CCDC183: variants seen among roughly 807,000 people sequenced by gnomAD.
CCDC183 encodes the protein coiled-coil domain-containing protein 183.
In CCDC183, 63 loss-of-function variants were observed where a neutral mutation model predicts 65.2. The ratio of observed to expected loss-of-function variants is 0.97; its 90% CI spans 0.79 to 1.19. The LOEUF (loss-of-function observed/expected upper bound fraction) is 1.19, where lower values mean the gene tolerates loss of function less well. Among genes scored for constraint, CCDC183 ranks in the 50% most tolerant of loss-of-function variants. The pLI, the probability that CCDC183 is intolerant of heterozygous loss-of-function variation, is 0.00. For missense variants in CCDC183, 769 were observed against 689.3 expected (o/e 1.12, Z -1.30); for synonymous variants, 323 against 276.5 (o/e 1.17, Z -1.67).
chr9:136,806,981 G>C lies in CCDC183; in HGVS notation c.1401G>C (p.Lys467Asn). 2 of 1,613,712 alleles carry C rather than the reference G, an allele frequency of 1.2e-6. No individual in the cohort carries two copies. The highest frequency in any genetic ancestry group is 1.7e-6 in the Non-Finnish European group (2 of 1,180,028). ...GCTTTGCCCTGCAGGGCGACACAAA[G>C]GTGAGGGACACCCTGGAGTCCTCGA... ...MVSRTEEGDTKVRDTLESSTL... is the reference protein window; with the variant it reads ...MVSRTEEGDTNVRDTLESSTL... Residue 467 changes from lysine (K) to asparagine (N), a missense_variant, in exon 13 of 14, where the codon AAG (lysine) becomes AAC (asparagine). Lys to Asn is a moderately conservative substitution (Grantham distance 94). Transcript: ENST00000338005.
Position 136,803,182 on chromosome 9 carries a change from GATGGGGTCAAGGT to G in CCDC183, c.666+397_666+409del. ...CAGGGCCAGCCCTCTTGGATCTTCG[GATGGGGTCAAGGT>G]GAGCTCAGGGCCCAGGGCTGGGGGC... On this transcript the variant is annotated intron_variant, in intron 6 of 13. Transcript: ENST00000338005. Among the ~76,000 whole-genome samples, 9 of 43,022 alleles carry G rather than the reference GATGGGGTCAAGGT, an allele frequency of 2.1e-4. 1 individual carries two copies. Among genetic ancestry groups the G allele is most frequent in the African/African-American group, 3.8e-4 (3 of 7,876 alleles). The allele number at this position is 43,022 out of a possible 152,430, so 28.2% of individuals were successfully genotyped here.
intron 2 of CCDC183, 26 bp from the exon 3 acceptor site, chr9:136,799,687 C>G (rs756973802): frequency 1.2e-6 from 2 of 1,607,926 alleles, no homozygotes; most frequent in African/African-American, 1.3e-5. Flanking sequence ...AGGGCCCGCT[C>G]TAGCTCAGCC....
Position 136,799,165 on chromosome 9 carries a change from T to C in CCDC183, c.134T>C (p.Leu45Pro). Residue 45 changes from leucine (L) to proline (P), a missense_variant, in exon 2 of 14, where the codon CTG becomes CCG. Transcript: ENST00000338005. ...AATATGGACCAGAACAAGGCCACGC[T>C]GGCCCTCCTGCGCAGCAACATCCGC... Reference protein sequence around the residue: ...KENMDQNKATLALLRSNIRRG... With the variant: ...KENMDQNKATPALLRSNIRRG... 6.2e-7 allele frequency: 1 copy of C among 1,613,014 alleles called. No individual in the cohort carries two copies. Among genetic ancestry groups the C allele is most frequent in the Non-Finnish European group, 8.5e-7 (1 of 1,179,786 alleles).
chr9:136,807,101 C>A (rs1427069630), intron 13 of CCDC183, 35 bp downstream of exon 13: 1 of 1,602,662 alleles, frequency 6.2e-7, no homozygotes, highest in Admixed American at 1.7e-5. Flanking sequence ...GGGCTGCAGG[C>A]GGGTGGCTGG....
chr9:136,802,470 T>C (rs527939119), intron 5 of CCDC183, among the ~76,000 whole-genome samples, 194 bp from the exon 6 acceptor site: 1 of 152,164 alleles, frequency 6.6e-6, no homozygotes, highest in East Asian at 1.9e-4. Context: ...GGTGAAAGAG[T>C]CCACCAGGCC....
At chr9:136,802,384 G>A (rs1035189310) in intron 5 of CCDC183, among the ~76,000 whole-genome samples, 8 of 152,242 alleles carry the variant, frequency 5.3e-5, no homozygotes, top group South Asian at 4.2e-4. Context: ...AAACCTCCCC[G>A]GGTTTCAGTC....
intron 4 of CCDC183, 67 bp downstream of exon 4, chr9:136,800,236 C>T: frequency 3.0e-6 from 4 of 1,353,878 alleles, no homozygotes; most frequent in Non-Finnish European, 4.0e-6. Flanking sequence ...AGGGGCGGGG[C>T]CACCGGGGGG....
chr9:136,804,036 C>T lies in CCDC183; in HGVS notation c.667-466C>T, dbSNP rs1847797920. On this transcript the variant is annotated intron_variant, in intron 6 of 13. Coordinates refer to ENST00000338005, the MANE Select transcript of CCDC183 (RefSeq NM_001039374.5). This position sits in a 1 kb window ranked among gnomAD's most constrained non-coding sequence, Gnocchi z 4.1. Reference sequence around the variant, plus strand: ...GAAGGGGTGGCCAGGAGCAACGGAGCTGAGAACTCCTCAAGAGGCAACCCC... The same window carrying T: ...GAAGGGGTGGCCAGGAGCAACGGAGTTGAGAACTCCTCAAGAGGCAACCCC... 1 of 172,994 alleles carries T rather than the reference C, an allele frequency of 5.8e-6. No individual in the cohort carries two copies. Among genetic ancestry groups the T allele is most frequent in the Non-Finnish European group, 1.2e-5 (1 of 80,294 alleles). The allele number at this position is 172,994 out of a possible 1,614,324, so 10.7% of individuals were successfully genotyped here. A position where few individuals can be genotyped will look rare whatever the true frequency, so the allele number is the denominator to read the frequency against.
At chr9:136,803,505 GTCTGT>G (rs1847785305) in intron 6 of CCDC183, among the ~76,000 whole-genome samples, 1 of 152,178 alleles carries the variant, frequency 6.6e-6, no homozygotes, top group African/African-American at 2.4e-5. Flanking sequence ...TATTCACCCA[GTCTGT>G]GCCAAGGTCC....
In CCDC183 at chr9:136,804,312, A is replaced by G; in HGVS notation, c.667-190A>G. 1 of 713,730 alleles carries G rather than the reference A, an allele frequency of 1.4e-6. No homozygotes were observed. The highest frequency in any genetic ancestry group is 2.2e-6 in the Non-Finnish European group (1 of 449,868). 44.2% of individuals were successfully genotyped at this position (713,730 alleles called of 1,614,324 possible). A position where few individuals can be genotyped will look rare whatever the true frequency, so the allele number is the denominator to read the frequency against. On this transcript the variant is annotated intron_variant, in intron 6 of 13. Transcript: ENST00000338005. The surrounding 1 kb of genome is among the most constrained non-coding windows in gnomAD (Gnocchi z 4.1). ...TCTGGGCTGGCACATGCTCTGAGGCATGGGCAAGGAGGGCCGTGAGCTGAG... is the reference window on the plus strand; with the variant it reads ...TCTGGGCTGGCACATGCTCTGAGGCGTGGGCAAGGAGGGCCGTGAGCTGAG...
At position 136,802,717 on chromosome 9, in the gene CCDC183, C is replaced by T. The variant is rs1358685025; in HGVS notation, c.597C>T (p.Asn199=). ...ELDKLQNLVV[N]YCSELSDMKI... ...ACAAGCTGCAGAACCTCGTGGTCAA[C>T]TACTGCTCAGAGCTGTCGGATATGA... The change falls in exon 6 of 14, where the codon AAC becomes AAT. Residue 199 remains asparagine (N), a synonymous_variant. Coordinates refer to ENST00000338005, the MANE Select transcript of CCDC183 (RefSeq NM_001039374.5). 1 of 1,613,590 alleles carries T rather than the reference C, an allele frequency of 6.2e-7. No individual in the cohort carries two copies. Among genetic ancestry groups the T allele is most frequent in the Non-Finnish European group, 8.5e-7 (1 of 1,179,896 alleles).
chr9:136,796,584 A>G (rs2131124899), intron 1 of CCDC183, 117 bp downstream of exon 1: 3 of 743,128 alleles, frequency 4.0e-6, no homozygotes, highest in East Asian at 5.4e-5. Flanking sequence ...AAAGGAAGAC[A>G]TAAGAAACTC....
intron 5 of CCDC183, chr9:136,800,774 C>T (rs960683927): frequency 3.6e-5 from 14 of 390,208 alleles, no homozygotes; most frequent in African/African-American, 2.7e-4. Context: ...TTCTCATTGC[C>T]TGGGCCTCTG....
rs753458737 is a variant in CCDC183, at chr9:136,802,732, G to C, written c.612G>C (p.Leu204=). ...QNLVVNYCSE[L]SDMKIMSQDA... is the part of the protein sequence containing the mutation. Reference sequence around the variant, plus strand: ...TCGTGGTCAACTACTGCTCAGAGCTGTCGGATATGAAGATCATGTCCCAAG... The same window carrying C: ...TCGTGGTCAACTACTGCTCAGAGCTCTCGGATATGAAGATCATGTCCCAAG... Residue 204 remains leucine, a synonymous_variant, in exon 6 of 14, where the codon CTG becomes CTC. Coordinates refer to ENST00000338005, the MANE Select transcript of CCDC183 (RefSeq NM_001039374.5). 3 of 1,613,550 alleles carry C rather than the reference G, an allele frequency of 1.9e-6. No homozygotes were observed. Among genetic ancestry groups the C allele is most frequent in the Non-Finnish European group, 2.5e-6 (3 of 1,179,892 alleles).
At chr9:136,803,283 GGGGCCCCCCAGGGCGGGCTC>G (rs1847778300) in intron 6 of CCDC183, among the ~76,000 whole-genome samples, 1 of 142,582 alleles carries the variant, frequency 7.0e-6, no homozygotes, top group East Asian at 2.2e-4. Context: ...GCCCAGGGCT[GGGGCCCCCCAGGGCGGGCTC>G]TCTTGTGTCT....
rs868480261 is a variant in CCDC183 at position 136,799,768 on chromosome 9, C to T, written c.248C>T (p.Ala83Val). Residue 83 changes from alanine to valine, a missense_variant, in exon 3 of 14, where the codon GCG becomes GTG. Physicochemically the swap from Ala to Val is moderately conservative, Grantham distance 64 (BLOSUM62 0). Transcript: ENST00000338005. The part of the protein sequence containing the change: ...ACGKNLPLRL[A>V]HCRSTMEVVR... ...GGGAAAAACTTGCCTTTGCGACTGG[C>T]GCACTGCCGCAGCACCATGGAGGTA... The T allele has an allele frequency of 1.9e-6, 3 of 1,612,778 alleles. No individual in the cohort carries two copies. The African/African-American group carries it at 4.0e-5, about 22-fold the overall frequency.
chr9:136,799,107 T>C lies in CCDC183; in HGVS notation c.76T>C (p.Cys26Arg). The C allele has an allele frequency of 1.2e-6, 2 of 1,613,156 alleles. No individual in the cohort carries two copies. The highest frequency in any genetic ancestry group is 1.1e-5 in the South Asian group (1 of 91,044). Residue 26 changes from cysteine (C) to arginine (R), a missense_variant, in exon 2 of 14, where the codon TGT (cysteine) becomes CGT (arginine). Transcript: ENST00000338005. ...LKTITQLQEQ[C>R]RALQIQGVKE... is the part of the protein sequence containing the mutation. ...TCCCCTCCACCTGCCCACAGAGCAG[T>C]GTCGGGCACTCCAGATCCAAGGGGT...
At chr9:136,798,617 C>G (rs1847687905) in intron 1 of CCDC183, among the ~76,000 whole-genome samples, 2 of 152,180 alleles carry the variant, frequency 1.3e-5, no homozygotes, top group Non-Finnish European at 1.5e-5. Context: ...AGTTTTAATA[C>G]AGGGACAATC....
chr9:136,796,449 AC>A lies in CCDC183; in HGVS notation c.54del (p.Ile19SerfsTer16). 6.4e-7 allele frequency: 1 copy of A among 1,571,252 alleles called. No individual in the cohort carries two copies. The highest frequency in any genetic ancestry group is 8.6e-7 in the Non-Finnish European group (1 of 1,157,302). ...DVEEQTQELK[T>X]ITQLQEQCRA... ...GGAAGAGCAGACCCAGGAGCTGAAG[AC>A]CATCACTCAGCTCCAGGGTGAGCCT... is the stretch of plus-strand genomic sequence containing the variant. On this transcript the variant is annotated frameshift_variant, in exon 1 of 14. Coordinates refer to ENST00000338005, the MANE Select transcript of CCDC183 (RefSeq NM_001039374.5). LOFTEE classifies it high-confidence loss of function.
Sources: allele counts gnomAD v4.1 joint callset (sites outside exome capture counted in the v4.1 genomes callset), GRCh38; gene constraint gnomAD v4.1.1; non-coding constraint Gnocchi (gnomAD v3.1); transcripts MANE v1.5; gene names NCBI Gene and HGNC (gene_info 2026-07-23, HGNC 2026-07-21).